Variants in ZFAT observed in about 807,000 individuals in gnomAD.
The protein encoded by ZFAT is zinc finger protein ZFAT.
ZFAT carries 64 observed loss-of-function variants against 117.7 expected under a neutral mutation model. That is an observed-to-expected ratio of 0.54 (90% CI 0.44 to 0.67). The LOEUF (loss-of-function observed/expected upper bound fraction) is 0.67, where lower values mean the gene tolerates loss of function less well. Among genes scored for constraint, ZFAT ranks in the 30% least tolerant of loss-of-function variants. The pLI is 0.00. For missense variants in ZFAT, 1,433 were observed against 1,584.5 expected, an observed-to-expected ratio of 0.90 and a Z score of 1.62; for synonymous variants, 679 against 615.0, an observed-to-expected ratio of 1.10 and a Z score of -1.54.
At chr8:134,521,039 C>G (rs377262371) in intron 12 of ZFAT, 38 bp from the exon 13 acceptor site, 6 of 1,499,006 alleles carry the variant, frequency 4.0e-6, no homozygotes. Context: ...AAAATGTGTT[C>G]GTAATACAGA....
chr8:134,624,359 T>C (rs193120390), intron 3 of ZFAT, among the ~76,000 whole-genome samples: 28 of 152,326 alleles, frequency 1.8e-4, no homozygotes, highest in Admixed American at 7.8e-4. Flanking sequence ...AGTGCTTCTT[T>C]AGGAGGGGTC....
chr8:134,552,104 G>A (rs1207372926), intron 11 of ZFAT, among the ~76,000 whole-genome samples: 1 of 152,094 alleles, frequency 6.6e-6, no homozygotes, highest in Non-Finnish European at 1.5e-5. Context: ...ATAACTTTTT[G>A]TAGCACTTAA....
intron 14 of ZFAT, among the ~76,000 whole-genome samples, chr8:134,512,142 A>G (rs891225289): frequency 3.9e-5 from 6 of 152,224 alleles, no homozygotes; most frequent in African/African-American, 7.2e-5. Context: ...CCAACCATTA[A>G]CAATGAAAAG....
At chr8:134,670,697 A>G (rs1327502590) in intron 1 of ZFAT, among the ~76,000 whole-genome samples, 3 of 152,270 alleles carry the variant, frequency 2.0e-5, no homozygotes, top group African/African-American at 7.2e-5. Flanking sequence ...AAAGAACTAA[A>G]GAAGCAAGAG....
intron 15 of ZFAT, among the ~76,000 whole-genome samples, chr8:134,493,673 C>A (rs781679143): frequency 6.6e-6 from 1 of 152,208 alleles, no homozygotes; most frequent in Non-Finnish European, 1.5e-5. Context: ...AGGGCAGGTG[C>A]GTGAGGCACG....
chr8:134,595,861 T>A (rs911592767), intron 7 of ZFAT, among the ~76,000 whole-genome samples: 1 of 152,176 alleles, frequency 6.6e-6, no homozygotes, highest in African/African-American at 2.4e-5. Flanking sequence ...TATCCTACAG[T>A]CCTGATGCAA....
At chr8:134,756,134 C>T in the ZFAT span, among the ~76,000 whole-genome samples, 2 of 152,200 alleles carry the variant, frequency 1.3e-5, no homozygotes, top group East Asian at 1.9e-4. Flanking sequence ...GCTTTCTCTG[C>T]CTCCTTGTAA....
chr8:134,649,909 C>T (rs1831131996), intron 2 of ZFAT, among the ~76,000 whole-genome samples: 1 of 151,982 alleles, frequency 6.6e-6, no homozygotes, highest in South Asian at 2.1e-4. Context: ...GGGGCAGTTT[C>T]CCCCATGCCG....
At chr8:134,520,739 A>T in intron 13 of ZFAT, 144 bp downstream of exon 13, 1 of 645,816 alleles carries the variant, frequency 1.5e-6, no homozygotes, top group East Asian at 2.8e-5. Context: ...GACGCGAGAC[A>T]TCATTTGAAA....
intron 10 of ZFAT, among the ~76,000 whole-genome samples, chr8:134,568,330 T>A (rs1281316375): frequency 6.6e-6 from 1 of 152,190 alleles, no homozygotes; most frequent in Non-Finnish European, 1.5e-5. Flanking sequence ...TACAGTAACA[T>A]CTTCTTTCAA....
chr8:134,503,770 A>G (rs1255659434), intron 15 of ZFAT, among the ~76,000 whole-genome samples: 1 of 152,084 alleles, frequency 6.6e-6, no homozygotes, highest in Non-Finnish European at 1.5e-5. Context: ...AAGCTGAAAC[A>G]CTGGCCCTTC....
chr8:134,712,851 C>T lies in ZFAT; in HGVS notation c.13G>A (p.Ala5Thr). The T allele has an allele frequency of 1.3e-6, 2 of 1,503,930 alleles. No individual in the cohort carries two copies. Among genetic ancestry groups the T allele is most frequent in the Non-Finnish European group, 1.8e-6 (2 of 1,127,992 alleles). The allele number at this position is 1,503,930 out of a possible 1,614,324, so 93.2% of individuals were successfully genotyped here. Reference sequence around the variant, plus strand: ...AACCCCCAGCCCGGCTCACCTGCCGCCCGCGTCTCCATGGCAACGCCCCAC... The same window carrying T: ...AACCCCCAGCCCGGCTCACCTGCCGTCCGCGTCTCCATGGCAACGCCCCAC... The part of the protein sequence containing the change: METR[A>T]AENTAIFMCK... Residue 5 changes from alanine to threonine, a missense_variant, in exon 1 of 16, where the codon GCG (alanine) becomes ACG (threonine). Physicochemically the swap from Ala to Thr is moderately conservative, Grantham distance 58. Transcript: ENST00000377838.
rs1826207160 is a variant in ZFAT, at chr8:134,588,273, G to T, written c.2686C>A (p.Leu896Ile). 1 of 1,573,006 alleles carries T rather than the reference G, an allele frequency of 6.4e-7. No individual in the cohort carries two copies. Among genetic ancestry groups the T allele is most frequent in the Non-Finnish European group, 8.6e-7 (1 of 1,157,486 alleles). The change falls in exon 9 of 16, where the codon CTT becomes ATT. Residue 896 changes from leucine to isoleucine, a missense_variant. Around this residue, in one of 5 missense-constraint regions of ZFAT, gnomAD observed 503 missense variants for 543.4 expected, o/e 0.93. Coordinates refer to ENST00000377838, the MANE Select transcript of ZFAT (RefSeq NM_020863.4). ...TCATGAGCCCAAATATGACGCTGAA[G>T]GTCTGAGCCATTCTTCATGAAATAA... is the stretch of plus-strand genomic sequence containing the variant. The part of the protein sequence containing the change: ...DFYFMKNGSD[L>I]QRHIWAHEGV...
At chr8:134,564,191 T>TAAA (rs1824256218) in intron 11 of ZFAT, among the ~76,000 whole-genome samples, 1 of 43,998 alleles carries the variant, frequency 2.3e-5, no homozygotes, top group African/African-American at 9.9e-5. Flanking sequence ...AGACTCCTTC[T>TAAA]CAAAAAAAAA....
At chr8:134,798,948 T>C in the ZFAT span, among the ~76,000 whole-genome samples, 2 of 152,156 alleles carry the variant, frequency 1.3e-5, no homozygotes, top group African/African-American at 2.4e-5. Flanking sequence ...CTTTACATTA[T>C]ATGCTTTGTA....
rs572301843 is a variant in ZFAT, at chr8:134,643,442, G to A, written c.197-5730C>T. Among the ~76,000 whole-genome samples the A allele has an allele frequency of 2.3e-3, 352 of 152,312 alleles. 1 individual carries two copies. The highest frequency in any genetic ancestry group is 8.2e-3 in the African/African-American group (339 of 41,556). On this transcript the variant is annotated intron_variant, in intron 2 of 15. Coordinates refer to ENST00000377838, the MANE Select transcript of ZFAT (RefSeq NM_020863.4). ...CCACTCCCTGGGCTGGAAAGTACAC[G>A]GATGTAAGGTACAGGAGGGTACAAT...
chr8:134,478,561 G>C lies in ZFAT; in HGVS notation c.3653C>G (p.Ser1218Trp). The C allele has an allele frequency of 3.8e-6, 6 of 1,595,000 alleles. No homozygotes were observed. Among genetic ancestry groups the C allele is most frequent in the Non-Finnish European group, 5.1e-6 (6 of 1,171,442 alleles). Residue 1218 changes from serine to tryptophan, a missense_variant, in exon 16 of 16, where the codon TCG (serine) becomes TGG (tryptophan). Coordinates refer to ENST00000377838, the MANE Select transcript of ZFAT (RefSeq NM_020863.4). The surrounding 1 kb of genome is among the most constrained non-coding windows in gnomAD (Gnocchi z 5.2). Reference protein sequence around the residue: ...VTVYTQGGEASEFIVYVQEAM... With the variant: ...VTVYTQGGEAWEFIVYVQEAM... ...CTCCTGCACGTAGACGATGAACTCC[G>C]AGGCCTCCCCGCCCTGCGTGTAGAC...
chr8:134,659,071 G>A (rs1261117513), intron 1 of ZFAT, among the ~76,000 whole-genome samples: 3 of 152,196 alleles, frequency 2.0e-5, no homozygotes, highest in Non-Finnish European at 4.4e-5. Context: ...GAGGCTCAAC[G>A]CTGCCTGGAA....
intron 3 of ZFAT, among the ~76,000 whole-genome samples, chr8:134,636,153 GGGT>G (rs1372996327): frequency 6.6e-6 from 1 of 152,204 alleles, no homozygotes; most frequent in Non-Finnish European, 1.5e-5. Flanking sequence ...AACTATGATA[GGGT>G]TTTGCAAACC....
Sources: gnomAD v4.1 joint callset for allele counts (sites outside exome capture counted in the v4.1 genomes callset) on GRCh38, gnomAD v4.1.1 for gene constraint, gnomAD v4.1.1 regional missense constraint, Gnocchi (gnomAD v3.1) non-coding constraint, MANE v1.5 for transcripts, NCBI Gene and HGNC (gene_info 2026-07-23, HGNC 2026-07-21) for gene names.